The following PCDHGB7 variants were observed in gnomAD, a reference collection of about 807,000 sequenced individuals.
PCDHGB7 encodes protocadherin gamma subfamily B, 7, also known as protocadherin gamma-B7.
Under a neutral mutation model 61.4 loss-of-function variants are expected in PCDHGB7, and 37 were observed. The observed-to-expected ratio is 0.60, with a 90% CI of 0.46 to 0.79. The LOEUF (loss-of-function observed/expected upper bound fraction) is 0.79. Among genes scored for constraint, PCDHGB7 ranks in the 30% least tolerant of loss-of-function variants. PCDHGB7 has a pLI of 0.00. For missense variants in PCDHGB7, 1,166 were observed against 1,202.5 expected (o/e 0.97, Z 0.45); for synonymous variants, 464 against 503.5 (o/e 0.92, Z 1.05).
intron 1 of PCDHGB7, among the ~76,000 whole-genome samples, chr5:141,436,522 C>T (rs933890051): frequency 3.9e-5 from 6 of 152,088 alleles, no homozygotes; most frequent in African/African-American, 1.4e-4. Context: ...ACTGTGTCAC[C>T]TTTAGCAAGT....
At chr5:141,468,737 G>A (rs1288031024) in intron 1 of PCDHGB7, among the ~76,000 whole-genome samples, 1 of 151,948 alleles carries the variant, frequency 6.6e-6, no homozygotes, top group African/African-American at 2.4e-5. Context: ...GTGGTGGCGG[G>A]TGCCTGTAGT....
Position 141,431,999 on chromosome 5 carries a change from C to G in PCDHGB7, c.2415+11725C>G. The G allele has an allele frequency of 6.2e-7, 1 of 1,614,158 alleles. No homozygotes were observed. The highest frequency in any genetic ancestry group is 1.1e-5 in the South Asian group (1 of 91,086). On this transcript the variant is annotated intron_variant, in intron 1 of 3. Transcript: ENST00000398594. This position sits in a 1 kb window ranked among gnomAD's most constrained non-coding sequence, Gnocchi z 4.8. ...CACAGACATAGTCTTGGATAGGGAA[C>G]AGGTTCCTAGCTACAACATCACAGT... is the stretch of plus-strand genomic sequence containing the variant.
chr5:141,491,712 G>A lies in PCDHGB7; in HGVS notation c.2416-3095G>A, dbSNP rs932849130. On this transcript the variant is annotated intron_variant, in intron 1 of 3. Coordinates refer to ENST00000398594, the MANE Select transcript of PCDHGB7 (RefSeq NM_018927.4). The surrounding 1 kb of genome is among the most constrained non-coding windows in gnomAD (Gnocchi z 6.9). Reference sequence around the variant, plus strand: ...GGGAGCGGAGCCAGGTGAGGGGCTCGGCGCCGCCCCGGGCGACCCCTGGGG... The same window carrying A: ...GGGAGCGGAGCCAGGTGAGGGGCTCAGCGCCGCCCCGGGCGACCCCTGGGG... The A allele has an allele frequency of 1.2e-6, 2 of 1,609,290 alleles. No homozygotes were observed. Among genetic ancestry groups the A allele is most frequent in the East Asian group, 2.2e-5 (1 of 44,760 alleles).
At position 141,486,543 on chromosome 5, in the gene PCDHGB7, A is replaced by G; in HGVS notation, c.2416-8264A>G. Reference sequence around the variant, plus strand: ...AATGATAATCCACCCTCTTTCTTTCAGAGGTCACATGAGGTGTTTGTTCCT... The same window carrying G: ...AATGATAATCCACCCTCTTTCTTTCGGAGGTCACATGAGGTGTTTGTTCCT... On this transcript the variant is annotated intron_variant, in intron 1 of 3. Transcript: ENST00000398594. This position sits in a 1 kb window ranked among gnomAD's most constrained non-coding sequence, Gnocchi z 5.0. 6.2e-7 allele frequency: 1 copy of G among 1,614,080 alleles called. No individual in the cohort carries two copies. Among genetic ancestry groups the G allele is most frequent in the Non-Finnish European group, 8.5e-7 (1 of 1,180,020 alleles).
Position 141,444,152 on chromosome 5 carries a change from ATTTTTTTTTTTTTTTTT to A in PCDHGB7, c.2415+23898_2415+23914del, listed in dbSNP as rs747671382. Among the ~76,000 whole-genome samples, 167 of 33,906 alleles carry A rather than the reference ATTTTTTTTTTTTTTTTT, an allele frequency of 4.9e-3. 1 individual carries two copies. The highest frequency in any genetic ancestry group is 7.0e-3 in the Non-Finnish European group (136 of 19,318). The allele number at this position is 33,906 out of a possible 152,430, so 22.2% of individuals were successfully genotyped here. A position where few individuals can be genotyped will look rare whatever the true frequency, so the allele number is the denominator to read the frequency against. On this transcript the variant is annotated intron_variant, in intron 1 of 3. Coordinates refer to ENST00000398594, the MANE Select transcript of PCDHGB7 (RefSeq NM_018927.4). ...GATATGTGTCACTTGTGTGTACTGG[ATTTTTTTTTTTTTTTTT>A]TTTTTTTTTTTTTTTTTTTGAGATG...
In PCDHGB7 at chr5:141,432,688, A is replaced by T; in HGVS notation, c.2415+12414A>T. 1 of 1,613,896 alleles carries T rather than the reference A, an allele frequency of 6.2e-7. No homozygotes were observed. The highest frequency in any genetic ancestry group is 1.1e-5 in the South Asian group (1 of 91,078). ...GAGACGCGCTCAAGCAGAGCCTCGTAGTGGCCGTCCAGGACCACGGCCAGC... is the reference window on the plus strand; with the variant it reads ...GAGACGCGCTCAAGCAGAGCCTCGTTGTGGCCGTCCAGGACCACGGCCAGC... On this transcript the variant is annotated intron_variant, in intron 1 of 3. Transcript: ENST00000398594. This position sits in a 1 kb window ranked among gnomAD's most constrained non-coding sequence, Gnocchi z 6.0.
intron 1 of PCDHGB7, among the ~76,000 whole-genome samples, chr5:141,452,353 AG>A (rs556616398): frequency 5.9e-5 from 9 of 152,206 alleles, no homozygotes; most frequent in Non-Finnish European, 1.3e-4. Context: ...TTTATCCAAA[AG>A]CCTTGCTTCA....
chr5:141,501,447 A>G (rs1483189279), intron 2 of PCDHGB7, among the ~76,000 whole-genome samples: 1 of 151,816 alleles, frequency 6.6e-6, no homozygotes, highest in Middle Eastern at 3.2e-3. Flanking sequence ...TTCCATTTTT[A>G]CTTTTCACTA....
Position 141,476,676 on chromosome 5 carries a change from G to T in PCDHGB7, c.2416-18131G>T. 1.2e-6 allele frequency: 2 copies of T among 1,614,222 alleles called. No individual in the cohort carries two copies. The highest frequency in any genetic ancestry group is 1.7e-6 in the Non-Finnish European group (2 of 1,180,054). ...TACTTTGCGCTTCGCGTGCAGACGC[G>T]GGAGGACAGCACCAAGTACGCGGAG... On this transcript the variant is annotated intron_variant, in intron 1 of 3. Transcript: ENST00000398594. The surrounding 1 kb of genome is among the most constrained non-coding windows in gnomAD (Gnocchi z 7.6).
At chr5:141,438,637 C>T (rs11958903) in intron 1 of PCDHGB7, among the ~76,000 whole-genome samples, 3,503 of 30,116 alleles carry the variant, frequency 0.12, 108 homozygotes, top group Non-Finnish European at 0.15. Context: ...TATATATATA[C>T]ACACACACAC....
Position 141,418,802 on chromosome 5 carries a change from T to C in PCDHGB7, c.943T>C (p.Tyr315His). Reference protein sequence around the residue: ...QPLDFEEVERYTINIEAKDRG... With the variant: ...QPLDFEEVERHTINIEAKDRG... ...TTTGGATTTTGAAGAAGTAGAAAGA[T>C]ATACGATAAACATAGAAGCAAAAGA... The change falls in exon 1 of 4, where the codon TAT (tyrosine) becomes CAT (histidine). Residue 315 changes from tyrosine to histidine, a missense_variant. Physicochemically the swap from Tyr to His is moderately conservative, Grantham distance 83. Transcript: ENST00000398594. The C allele has an allele frequency of 6.2e-7, 1 of 1,613,862 alleles. No individual in the cohort carries two copies. Among genetic ancestry groups the C allele is most frequent in the Non-Finnish European group, 8.5e-7 (1 of 1,179,782 alleles).
Position 141,423,275 on chromosome 5 carries a change from C to T in PCDHGB7, c.2415+3001C>T. 1.2e-6 allele frequency: 2 copies of T among 1,614,012 alleles called. No homozygotes were observed. The highest frequency in any genetic ancestry group is 1.7e-6 in the Non-Finnish European group (2 of 1,179,970). ...GACCTCGGCAGCCTCGAGTCTCTGGCTAACTCTGAAACCTCAGACCTCTCG... is the reference window on the plus strand; with the variant it reads ...GACCTCGGCAGCCTCGAGTCTCTGGTTAACTCTGAAACCTCAGACCTCTCG... On this transcript the variant is annotated intron_variant, in intron 1 of 3. Transcript: ENST00000398594.
At chr5:141,470,694 A>T (rs763715272) in intron 1 of PCDHGB7, among the ~76,000 whole-genome samples, 1 of 151,978 alleles carries the variant, frequency 6.6e-6, no homozygotes, top group African/African-American at 2.4e-5. Flanking sequence ...GAAATTCTTA[A>T]TAATTTTTAT....
chr5:141,426,865 T>G (rs2096965950), intron 1 of PCDHGB7: 1 of 456,600 alleles, frequency 2.2e-6, no homozygotes, highest in African/African-American at 2.0e-5. Flanking sequence ...GAATTAGTGC[T>G]GGAGAAGCCC....
chr5:141,489,254 C>T lies in PCDHGB7; in HGVS notation c.2416-5553C>T, dbSNP rs2099684538. 2 of 1,548,628 alleles carry T rather than the reference C, an allele frequency of 1.3e-6. No homozygotes were observed. Among genetic ancestry groups the T allele is most frequent in the African/African-American group, 1.4e-5 (1 of 73,008 alleles). ...GACTTCTGGGTCATGGGGCCCAAGA[C>T]ACTCCCACAGCTCGCTGGGAAATGG... is the stretch of plus-strand genomic sequence containing the variant. On this transcript the variant is annotated intron_variant, in intron 1 of 3. Transcript: ENST00000398594. This position sits in a 1 kb window ranked among gnomAD's most constrained non-coding sequence, Gnocchi z 4.5.
intron 1 of PCDHGB7, among the ~76,000 whole-genome samples, chr5:141,466,826 G>A (rs978548667): frequency 1.2e-4 from 18 of 152,056 alleles, no homozygotes; most frequent in Admixed American, 8.5e-4. Flanking sequence ...TAACAAGTTA[G>A]TATGGGTTTA....
At chr5:141,480,781 G>A (rs2099525581) in intron 1 of PCDHGB7, among the ~76,000 whole-genome samples, 1 of 152,174 alleles carries the variant, frequency 6.6e-6, no homozygotes, top group Admixed American at 6.5e-5. Flanking sequence ...CTAATGTGCA[G>A]ACAAATTTGA....
In PCDHGB7 at chr5:141,431,561, G is replaced by T; in HGVS notation, c.2415+11287G>T. The T allele has an allele frequency of 6.2e-7, 1 of 1,614,146 alleles. No homozygotes were observed. On this transcript the variant is annotated intron_variant, in intron 1 of 3. Transcript: ENST00000398594. This position sits in a 1 kb window ranked among gnomAD's most constrained non-coding sequence, Gnocchi z 4.8. Reference sequence around the variant, plus strand: ...GCAGCTGCTTGTAGTCAACGCTACCGACCCTGACGAAGGAGTCAATGCGGA... The same window carrying T: ...GCAGCTGCTTGTAGTCAACGCTACCTACCCTGACGAAGGAGTCAATGCGGA...
In PCDHGB7 at chr5:141,512,394, C is replaced by A. The variant is rs750967336; in HGVS notation, c.*1221C>A. 1 of 152,706 alleles carries A rather than the reference C, an allele frequency of 6.5e-6. No homozygotes were observed. The highest frequency in any genetic ancestry group is 1.5e-5 in the Non-Finnish European group (1 of 68,084). The allele number at this position is 152,706 out of a possible 1,614,324, so 9.5% of individuals were successfully genotyped here. ...GACCAAATGAACAGAAAGTCTCAGC[C>A]CAGGATGGGGCTTCTTCAACAGGGC... is the stretch of plus-strand genomic sequence containing the variant. On this transcript the variant is annotated 3_prime_UTR_variant, in exon 4 of 4. Transcript: ENST00000398594.
Sources: allele counts gnomAD v4.1 joint callset (sites outside exome capture counted in the v4.1 genomes callset), GRCh38; gene constraint gnomAD v4.1.1; non-coding constraint Gnocchi (gnomAD v3.1); transcripts MANE v1.5; gene names NCBI Gene and HGNC (gene_info 2026-07-23, HGNC 2026-07-21).